The following NPTN variants were observed in gnomAD, a reference collection of about 807,000 sequenced individuals.
NPTN encodes the protein SDR-1.
A neutral mutation model predicts 42.7 loss-of-function variants in NPTN; 5 were observed. The ratio of observed to expected loss-of-function variants is 0.12; its 90% CI spans 0.06 to 0.25. NPTN has a LOEUF of 0.25. Ranked by LOEUF, NPTN falls within the 10% of genes least tolerant of loss-of-function variation. The pLI, the probability that NPTN is intolerant of heterozygous loss-of-function variation, is 1.00. For missense variants in NPTN, 307 were observed against 525.4 expected (o/e 0.58, Z 4.06); for synonymous variants, 180 against 201.9 (o/e 0.89, Z 0.92).
intron 4 of NPTN, among the ~76,000 whole-genome samples, chr15:73,579,597 C>T (rs1473516734): frequency 6.6e-6 from 1 of 151,974 alleles, no homozygotes; most frequent in Non-Finnish European, 1.5e-5. Flanking sequence ...TCTGAAAGGA[C>T]CCAGACTTAA....
intron 4 of NPTN, 141 bp from the exon 5 acceptor site, chr15:73,573,936 T>C: frequency 8.9e-7 from 1 of 1,126,064 alleles, no homozygotes; most frequent in South Asian, 1.6e-5. Flanking sequence ...ATGAAGAGCA[T>C]TTCAGGTCAG....
rs1007563078 is a variant in NPTN at position 73,622,619 on chromosome 15, C to T, written c.91+10506G>A. Among the ~76,000 whole-genome samples the T allele has an allele frequency of 7.3e-5, 11 of 151,056 alleles. No homozygotes were observed. In the East Asian group the frequency reaches 1.9e-3, roughly 27 times the overall value. On this transcript the variant is annotated intron_variant, in intron 1 of 8. Transcript: ENST00000345330. The stretch of plus-strand genomic sequence containing the variant: ...TATAAGGTAGCTGAACTGAAGAAAA[C>T]ACATATAGAAATGTGAGGTTATCAA...
chr15:73,597,175 T>C lies in NPTN; in HGVS notation c.286A>G (p.Asn96Asp), dbSNP rs1317231980. The C allele has an allele frequency of 3.7e-6, 6 of 1,614,022 alleles. No individual in the cohort carries two copies. The highest frequency in any genetic ancestry group is 2.7e-5 in the African/African-American group (2 of 74,902). Reference sequence around the variant, plus strand: ...GTTATTCTCAGCACACTCACGCCGTTTGACCCGTAGGCGGTGTTTACGGTG... The same window carrying C: ...GTTATTCTCAGCACACTCACGCCGTCTGACCCGTAGGCGGTGTTTACGGTG... ...RVTVNTAYGS[N>D]GVSVLRITRL... Residue 96 changes from asparagine (N) to aspartate (D), a missense_variant, in exon 2 of 9, where the codon AAC (asparagine) becomes GAC (aspartate). Asn to Asp is a conservative substitution (Grantham distance 23, BLOSUM62 1). Around this residue, in one of 2 missense-constraint regions of NPTN, gnomAD observed 264 missense variants for 491.1 expected, o/e 0.54. Transcript: ENST00000345330. The surrounding 1 kb of genome is among the most constrained non-coding windows in gnomAD (Gnocchi z 6.3).
chr15:73,573,556 C>A, intron 5 of NPTN, 106 bp downstream of exon 5: 1 of 1,279,562 alleles, frequency 7.8e-7, no homozygotes, highest in South Asian at 1.7e-5. Flanking sequence ...TGACCCTCGC[C>A]ATGCACACAT....
At chr15:73,563,671 A>C (rs1894818666) in intron 6 of NPTN, 4 of 489,990 alleles carry the variant, frequency 8.2e-6, no homozygotes, top group Non-Finnish European at 1.1e-5. Context: ...GTTTTGGCTC[A>C]ATCCTGCAAT....
At chr15:73,629,253 G>C (rs1383614) in intron 1 of NPTN, among the ~76,000 whole-genome samples, 3 of 152,194 alleles carry the variant, frequency 2.0e-5, no homozygotes, top group East Asian at 1.9e-4. Flanking sequence ...TCCTTAGGAA[G>C]GGCTTTATGT....
At chr15:73,626,138 T>TA (rs1898393508) in intron 1 of NPTN, among the ~76,000 whole-genome samples, 1 of 152,170 alleles carries the variant, frequency 6.6e-6, no homozygotes, top group Non-Finnish European at 1.5e-5. Flanking sequence ...AAAATACAAA[T>TA]AGTTAAGTGT....
At chr15:73,619,838 C>T (rs1012588856) in intron 1 of NPTN, among the ~76,000 whole-genome samples, 1 of 152,112 alleles carries the variant, frequency 6.6e-6, no homozygotes. Flanking sequence ...TAAAAAGTAA[C>T]CAAGATAACT....
chr15:73,610,144 T>C (rs1257206320), intron 1 of NPTN, among the ~76,000 whole-genome samples: 1 of 152,068 alleles, frequency 6.6e-6, no homozygotes, highest in Admixed American at 6.6e-5. Context: ...TGGAGTGCAG[T>C]GGCATGATCA....
chr15:73,591,856 A>G, intron 3 of NPTN, 110 bp downstream of exon 3: 1 of 1,064,684 alleles, frequency 9.4e-7, no homozygotes, highest in Non-Finnish European at 1.4e-6. Context: ...CAAAGGGAGA[A>G]CCAAATATAT....
At chr15:73,562,051 C>T (rs1356640183) in intron 7 of NPTN, 81 bp from the exon 8 acceptor site, 4 of 974,162 alleles carry the variant, frequency 4.1e-6, no homozygotes, top group Non-Finnish European at 3.1e-6. Context: ...TACAGGGACT[C>T]TTTCACTTAC....
At chr15:73,579,898 G>A (rs1895900128) in intron 4 of NPTN, among the ~76,000 whole-genome samples, 1 of 152,130 alleles carries the variant, frequency 6.6e-6, no homozygotes, top group African/African-American at 2.4e-5. Flanking sequence ...AAGACCCCAA[G>A]CCAGAACACC....
chr15:73,584,493 C>G (rs1015314363), intron 4 of NPTN, among the ~76,000 whole-genome samples: 1 of 152,024 alleles, frequency 6.6e-6, no homozygotes, highest in Non-Finnish European at 1.5e-5. Context: ...TCTATTCATT[C>G]ATGTATTCTC....
intron 3 of NPTN, among the ~76,000 whole-genome samples, chr15:73,587,974 G>A (rs1271021627): frequency 1.3e-5 from 2 of 152,172 alleles, no homozygotes; most frequent in Non-Finnish European, 2.9e-5. Flanking sequence ...GGGCACAGTG[G>A]CTCACCCCTG....
chr15:73,609,152 A>C (rs1314296261), intron 1 of NPTN, among the ~76,000 whole-genome samples: 1 of 152,224 alleles, frequency 6.6e-6, no homozygotes, highest in Non-Finnish European at 1.5e-5. Context: ...CAAGTTAGGA[A>C]CTAATTCCCT....
At chr15:73,562,081 A>C in intron 7 of NPTN, 111 bp from the exon 8 acceptor site, 1 of 801,972 alleles carries the variant, frequency 1.2e-6, no homozygotes, top group South Asian at 1.5e-5. Flanking sequence ...TGGTGTAGTG[A>C]GAAATTTTGT....
chr15:73,584,099 T>C (rs1896195425), intron 4 of NPTN, among the ~76,000 whole-genome samples: 2 of 152,108 alleles, frequency 1.3e-5, no homozygotes, highest in South Asian at 4.1e-4. Context: ...TGAAACTCAT[T>C]TGAAATGTCC....
At chr15:73,566,357 A>G (rs2141351922) in intron 6 of NPTN, among the ~76,000 whole-genome samples, 1 of 152,334 alleles carries the variant, frequency 6.6e-6, no homozygotes, top group East Asian at 1.9e-4. Flanking sequence ...GCCACTAAAA[A>G]TGGCCCCCCA....
chr15:73,629,315 T>C (rs1595979524), intron 1 of NPTN, among the ~76,000 whole-genome samples: 2 of 152,344 alleles, frequency 1.3e-5, no homozygotes, highest in African/African-American at 4.8e-5. Context: ...TTTCAAAATT[T>C]TTTGCTTGAC....
Sources: allele counts gnomAD v4.1 joint callset (sites outside exome capture counted in the v4.1 genomes callset), GRCh38; gene constraint gnomAD v4.1.1; regional missense constraint gnomAD v4.1.1; non-coding constraint Gnocchi (gnomAD v3.1); transcripts MANE v1.5; gene names NCBI Gene and HGNC (gene_info 2026-07-23, HGNC 2026-07-21).